The following EYA2 variants were observed in gnomAD, a reference collection of about 807,000 sequenced individuals.
EYA2 encodes the protein EYA transcriptional coactivator and phosphatase 2.
A neutral mutation model predicts 69.2 loss-of-function variants in EYA2; 31 were observed. That is an observed-to-expected ratio of 0.45 (90% CI 0.34 to 0.60). The LOEUF is 0.60. Ranked by LOEUF, EYA2 falls within the 20% of genes least tolerant of loss-of-function variation. The pLI is 0.02. For synonymous variants in EYA2, 257 were observed against 279.4 expected (o/e 0.92, Z 0.80); for missense variants, 622 against 701.2 (o/e 0.89, Z 1.28).
chr20:47,086,062 C>G (rs1226138400), intron 7 of EYA2, among the ~76,000 whole-genome samples: 1 of 152,222 alleles, frequency 6.6e-6, no homozygotes, highest in Non-Finnish European at 1.5e-5. Flanking sequence ...AATGAAATTA[C>G]TCCAAGAAAG....
At chr20:46,972,960 A>G (rs1161971686) in intron 1 of EYA2, among the ~76,000 whole-genome samples, 1 of 152,238 alleles carries the variant, frequency 6.6e-6, no homozygotes, top group Non-Finnish European at 1.5e-5. Flanking sequence ...TAAACTCCTA[A>G]TGAAAGAATT....
rs576486580 is a variant in EYA2 at position 47,175,973 on chromosome 20, G to A, written c.1198+3106G>A. Among the ~76,000 whole-genome samples, 3 of 152,174 alleles carry A rather than the reference G, an allele frequency of 2.0e-5. No homozygotes were observed. In the East Asian group the frequency reaches 5.8e-4, roughly 29 times the overall value. Reference sequence around the variant, plus strand: ...TCCATCGTCAAAGGCCTAGGTTGTGGATTCAGCAGTGAACAAAAGAAACAA... The same window carrying A: ...TCCATCGTCAAAGGCCTAGGTTGTGAATTCAGCAGTGAACAAAAGAAACAA... On this transcript the variant is annotated intron_variant, in intron 12 of 15. Coordinates refer to ENST00000327619, the MANE Select transcript of EYA2 (RefSeq NM_005244.5).
chr20:46,981,095 T>G (rs1216101981), intron 1 of EYA2, among the ~76,000 whole-genome samples: 1 of 152,246 alleles, frequency 6.6e-6, no homozygotes, highest in Non-Finnish European at 1.5e-5. Flanking sequence ...ATTTCACGTT[T>G]TCTTGGTGTC....
At position 46,934,215 on chromosome 20, in the gene EYA2, G is replaced by A. The variant is rs543773706; in HGVS notation, c.-11+39228G>A. The stretch of plus-strand genomic sequence containing the variant: ...AAAGAAAGAGACTTAATTGGCTCAT[G>A]AAACTGAAATGCTACCTGCAGGCAT... On this transcript the variant is annotated intron_variant, in intron 1 of 15. Coordinates refer to ENST00000327619, the MANE Select transcript of EYA2 (RefSeq NM_005244.5). 2.6e-5 allele frequency among the ~76,000 whole-genome samples: 4 copies of A among 152,336 alleles called. No homozygotes were observed. In the South Asian group the frequency reaches 8.3e-4, roughly 32 times the overall value.
intron 5 of EYA2, among the ~76,000 whole-genome samples, chr20:47,062,214 A>G (rs1207037598): frequency 2.0e-5 from 3 of 152,232 alleles, no homozygotes; most frequent in Non-Finnish European, 4.4e-5. Context: ...CTTCCTCAGC[A>G]GAGAAGTTGA....
chr20:46,956,612 T>G (rs1979141994), intron 1 of EYA2, among the ~76,000 whole-genome samples: 2 of 152,234 alleles, frequency 1.3e-5, no homozygotes, highest in African/African-American at 4.8e-5. Flanking sequence ...CACACATCTC[T>G]TCTGCTCATG....
chr20:47,074,743 A>G (rs915490254), intron 7 of EYA2, among the ~76,000 whole-genome samples: 4 of 152,192 alleles, frequency 2.6e-5, no homozygotes, highest in Non-Finnish European at 4.4e-5. Flanking sequence ...CCAATTCCAC[A>G]TCTAGCTAGC....
chr20:46,995,531 C>T (rs1981961140), intron 2 of EYA2, among the ~76,000 whole-genome samples: 1 of 152,140 alleles, frequency 6.6e-6, no homozygotes, highest in South Asian at 2.1e-4. Flanking sequence ...TTCCAGCTGT[C>T]CCTGTCCCTA....
rs541964583 is a variant in EYA2, at chr20:46,966,607, G to A, written c.-10-23394G>A. Among the ~76,000 whole-genome samples the A allele has an allele frequency of 5.3e-5, 8 of 152,264 alleles. No individual in the cohort carries two copies. The South Asian group carries it at 1.2e-3, about 24-fold the overall frequency. ...GCGGATCACGAGGTCAGGACATCGAGACCGTCCTGGCTAACACGGTGAAAC... is the reference window on the plus strand; with the variant it reads ...GCGGATCACGAGGTCAGGACATCGAAACCGTCCTGGCTAACACGGTGAAAC... On this transcript the variant is annotated intron_variant, in intron 1 of 15. Transcript: ENST00000327619.
chr20:46,908,022 C>G (rs1984448245), intron 1 of EYA2, among the ~76,000 whole-genome samples: 1 of 152,218 alleles, frequency 6.6e-6, no homozygotes, highest in South Asian at 2.1e-4. Flanking sequence ...GGTGCACAGA[C>G]TTTCTGGGTT....
At chr20:47,062,750 G>T (rs779575573) in intron 5 of EYA2, among the ~76,000 whole-genome samples, 16 of 152,126 alleles carry the variant, frequency 1.1e-4, no homozygotes, top group Non-Finnish European at 1.9e-4. Context: ...CAGCAGCCTG[G>T]TTAACGTTGA....
chr20:47,149,245 AAAG>A lies in EYA2; in HGVS notation c.978+6101_978+6103del, dbSNP rs541915902. Among the ~76,000 whole-genome samples the A allele has an allele frequency of 9.2e-5, 14 of 152,318 alleles. No homozygotes were observed. In the East Asian group the frequency reaches 2.5e-3, roughly 27 times the overall value. Reference sequence around the variant, plus strand: ...AGGGGACATTTAGTTCGGGCATGAAAAAGAAGTTAACAAGCAAAGGTACCTATA... The same window carrying A: ...AGGGGACATTTAGTTCGGGCATGAAAAAGTTAACAAGCAAAGGTACCTATA... On this transcript the variant is annotated intron_variant, in intron 10 of 15. Coordinates refer to ENST00000327619, the MANE Select transcript of EYA2 (RefSeq NM_005244.5).
chr20:46,921,650 C>G (rs776021551), intron 1 of EYA2, among the ~76,000 whole-genome samples: 1 of 152,132 alleles, frequency 6.6e-6, no homozygotes. Context: ...CCTCTTTTCT[C>G]TGGGTTGCTA....
At chr20:46,918,837 A>G (rs374117331) in intron 1 of EYA2, among the ~76,000 whole-genome samples, 1 of 152,236 alleles carries the variant, frequency 6.6e-6, no homozygotes, top group African/African-American at 2.4e-5. Context: ...TATGACAGCT[A>G]TGGCCTTATG....
chr20:47,134,842 A>G (rs1033236508), intron 9 of EYA2, among the ~76,000 whole-genome samples: 1 of 152,132 alleles, frequency 6.6e-6, no homozygotes, highest in Admixed American at 6.5e-5. Flanking sequence ...AAAAACAGAC[A>G]ACGGGCCGGG....
At position 47,188,300 on chromosome 20, in the gene EYA2, G is replaced by C. The variant is rs1481464878; in HGVS notation, c.*167G>C. On this transcript the variant is annotated 3_prime_UTR_variant, in exon 16 of 16. Transcript: ENST00000327619. Reference sequence around the variant, plus strand: ...TCAGAAGCCGTCCATCAGTCCAAATGGGGGTTCTGAGAAGGAAAGTACCCA... The same window carrying C: ...TCAGAAGCCGTCCATCAGTCCAAATCGGGGTTCTGAGAAGGAAAGTACCCA... The C allele has an allele frequency of 1.1e-5, 7 of 644,846 alleles. No individual in the cohort carries two copies. The Admixed American group carries it at 1.3e-4, about 12-fold the overall frequency. 39.9% of individuals were successfully genotyped at this position (644,846 alleles called of 1,614,324 possible). A position where few individuals can be genotyped will look rare whatever the true frequency, so the allele number is the denominator to read the frequency against.
intron 9 of EYA2, among the ~76,000 whole-genome samples, chr20:47,127,112 A>G (rs1031239081): frequency 1.1e-4 from 16 of 152,248 alleles, no homozygotes; most frequent in Admixed American, 3.3e-4. Context: ...CTCTTATAAA[A>G]AAAAAAAGTT....
chr20:46,971,641 G>C (rs13041757), intron 1 of EYA2, among the ~76,000 whole-genome samples: 41 of 152,102 alleles, frequency 2.7e-4, no homozygotes, highest in Admixed American at 2.7e-3. Context: ...TCTCTACCAC[G>C]GTGTACTCAA....
At chr20:47,129,297 A>G (rs1318318074) in intron 9 of EYA2, among the ~76,000 whole-genome samples, 4 of 152,320 alleles carry the variant, frequency 2.6e-5, no homozygotes, top group Admixed American at 1.3e-4. Context: ...TTAAAACTGC[A>G]ACAGAGTAAT....
Sources: gnomAD v4.1 joint callset for allele counts (sites outside exome capture counted in the v4.1 genomes callset) on GRCh38, gnomAD v4.1.1 for gene constraint, MANE v1.5 for transcripts, NCBI Gene and HGNC (gene_info 2026-07-23, HGNC 2026-07-21) for gene names.